Variants in RAG1 observed in about 807,000 individuals in gnomAD.
RAG1 encodes the protein recombination activating 1, also known as V(D)J recombination-activating protein 1.
A neutral mutation model predicts 62.7 loss-of-function variants in RAG1; 35 were observed. That is an observed-to-expected ratio of 0.56 (90% CI 0.43 to 0.74). The LOEUF is 0.74. Ranked by LOEUF, RAG1 falls within the 30% of genes least tolerant of loss-of-function variation. The pLI is 0.00. For synonymous variants in RAG1, 461 were observed against 470.3 expected (o/e 0.98, Z 0.26); for missense variants, 1,169 against 1,278.6 (o/e 0.91, Z 1.31).
chr11:36,576,093 G>A lies in RAG1; in HGVS notation c.2789G>A (p.Arg930Lys). ...CTCCTTTCTACGAAGTTCAAGTATA[G>A]GTATGAGGGAAAAATCACCAATTAT... Reference protein sequence around the residue: ...AELLSTKFKYRYEGKITNYFH... With the variant: ...AELLSTKFKYKYEGKITNYFH... Residue 930 changes from arginine to lysine, a missense_variant, in exon 2 of 2, where the codon AGG (arginine) becomes AAG (lysine). Arg to Lys is a conservative substitution (Grantham distance 26, BLOSUM62 2). This residue lies in a region of RAG1 where 800 missense variants were observed against 943.3 expected (regional missense o/e 0.85). Transcript: ENST00000299440. 1 of 1,613,978 alleles carries A rather than the reference G, an allele frequency of 6.2e-7. No homozygotes were observed.
At chr11:36,540,906 G>C (rs1043636239), downstream of RAG1, among the ~76,000 whole-genome samples, 1 of 152,036 alleles carries the variant, frequency 6.6e-6, no homozygotes, top group Admixed American at 6.6e-5. Flanking sequence ...TGGACTCAGG[G>C]GCACAGTGAT....
intron 3 of RAG1, among the ~76,000 whole-genome samples, chr11:36,562,925 A>T (rs11033695): frequency 0.15 from 23,085 of 151,872 alleles, 1,853 homozygotes; most frequent in Admixed American, 0.2. Flanking sequence ...GGCAGGTGTG[A>T]TTTCTCGGGA....
rs148885090 is a variant in RAG1 at position 36,517,134 on chromosome 11, C to A, written n.331-2998C>A. On this transcript the variant is annotated intron_variant and non_coding_transcript_variant, in intron 1 of 2. Coordinates refer to the RAG1 transcript ENST00000529126. ...AAACAGGATACTTGTTTCCAGTGTTCCTGATTCGAATTTGTGATATGATTT... is the reference window on the plus strand; with the variant it reads ...AAACAGGATACTTGTTTCCAGTGTTACTGATTCGAATTTGTGATATGATTT... Among the ~76,000 whole-genome samples, 68 of 152,242 alleles carry A rather than the reference C, an allele frequency of 4.5e-4. 1 individual carries two copies. In the East Asian group the frequency reaches 8.7e-3, roughly 19 times the overall value.
chr11:36,536,836 G>T (rs971896580), downstream of RAG1, among the ~76,000 whole-genome samples: 7 of 151,336 alleles, frequency 4.6e-5, no homozygotes, highest in East Asian at 9.7e-4. Context: ...TCAGCTCACT[G>T]CAAGCTCCGC....
intron 2 of RAG1, among the ~76,000 whole-genome samples, chr11:36,533,034 C>T (rs1274589636): frequency 6.6e-6 from 1 of 152,074 alleles, no homozygotes; most frequent in African/African-American, 2.4e-5. Context: ...CCCAATTGTT[C>T]CCTTTTTTTC....
Position 36,577,273 on chromosome 11 carries a change from G to A in RAG1, c.*837G>A, listed in dbSNP as rs1004256789. 13 of 166,990 alleles carry A rather than the reference G, an allele frequency of 7.8e-5. No individual in the cohort carries two copies. Among genetic ancestry groups the A allele is most frequent in the African/African-American group, 2.9e-4 (12 of 41,440 alleles). 10.3% of individuals were successfully genotyped at this position (166,990 alleles called of 1,614,324 possible). A position where few individuals can be genotyped will look rare whatever the true frequency, so the allele number is the denominator to read the frequency against. On this transcript the variant is annotated 3_prime_UTR_variant, in exon 2 of 2. Transcript: ENST00000299440. ...ACTTTTTCATTTCAAGAAATTTAGAGTTTCCAAATTTAGAGCTTCTGCATA... is the reference window on the plus strand; with the variant it reads ...ACTTTTTCATTTCAAGAAATTTAGAATTTCCAAATTTAGAGCTTCTGCATA...
In RAG1 at chr11:36,575,498, C is replaced by G; in HGVS notation, c.2194C>G (p.Leu732Val). Residue 732 changes from leucine to valine, a missense_variant, in exon 2 of 2, where the codon CTT becomes GTT. This residue lies in a region of RAG1 where 800 missense variants were observed against 943.3 expected (regional missense o/e 0.85). Transcript: ENST00000299440. The surrounding 1 kb of genome is among the most constrained non-coding windows in gnomAD (Gnocchi z 4.1). ...TTCTGGCTCAGTCTACATTTGTACT[C>G]TTTGTGATGCCACCCGTCTGGAAGC... ...EASGSVYICT[L>V]CDATRLEASQ... 1 of 1,614,230 alleles carries G rather than the reference C, an allele frequency of 6.2e-7. No homozygotes were observed. The highest frequency in any genetic ancestry group is 8.5e-7 in the Non-Finnish European group (1 of 1,180,052).
intron 1 of RAG1, among the ~76,000 whole-genome samples, chr11:36,518,553 T>C (rs1860029962): frequency 6.6e-6 from 1 of 152,208 alleles, no homozygotes; most frequent in African/African-American, 2.4e-5. Flanking sequence ...TGAGATGGTA[T>C]CTCATTGTGG....
downstream of RAG1, among the ~76,000 whole-genome samples, chr11:36,537,293 C>T (rs919010931): frequency 1.3e-5 from 2 of 152,010 alleles, no homozygotes; most frequent in African/African-American, 4.8e-5. Flanking sequence ...GTTAAGTGTT[C>T]TTCACACAAA....
intron 3 of RAG1, among the ~76,000 whole-genome samples, chr11:36,560,312 A>G (rs1254967670): frequency 6.6e-5 from 10 of 152,112 alleles, no homozygotes; most frequent in Admixed American, 6.5e-4. Context: ...GGGGGCATGC[A>G]TGGCAGTGCC....
upstream of RAG1, among the ~76,000 whole-genome samples, chr11:36,564,791 G>A (rs1026094892): frequency 1.2e-4 from 18 of 152,226 alleles, no homozygotes; most frequent in African/African-American, 2.4e-5. Context: ...GCAGGGTGGC[G>A]AGTTTGCATG....
At chr11:36,560,637 C>T (rs1850570223) in intron 3 of RAG1, among the ~76,000 whole-genome samples, 1 of 152,122 alleles carries the variant, frequency 6.6e-6, no homozygotes, top group Admixed American at 6.5e-5. Context: ...AGCAATGGAG[C>T]TGTGTGGACT....
At chr11:36,550,159 TGCAGATGATG>T (rs1202658663) in intron 3 of RAG1, among the ~76,000 whole-genome samples, 1 of 152,156 alleles carries the variant, frequency 6.6e-6, no homozygotes, top group Admixed American at 6.5e-5. Flanking sequence ...AAATACCTAA[TGCAGATGATG>T]GCTTGATGGG....
intron 2 of RAG1, among the ~76,000 whole-genome samples, chr11:36,526,893 T>C (rs890166050): frequency 1.3e-5 from 2 of 152,254 alleles, no homozygotes; most frequent in African/African-American, 4.8e-5. Context: ...TTGAGAACTG[T>C]CTGTTCATAT....
In RAG1 at chr11:36,574,168, G is replaced by C. The variant is rs1443428068; in HGVS notation, c.864G>C (p.Val288=). 6.2e-7 allele frequency: 1 copy of C among 1,614,074 alleles called. No individual in the cohort carries two copies. Among genetic ancestry groups the C allele is most frequent in the Admixed American group, 1.7e-5 (1 of 60,010 alleles). ...LLAVDFPEHF[V]KSISCQICEH... ...CAGTGGACTTCCCAGAGCACTTTGT[G>C]AAATCCATCTCCTGCCAGATCTGTG... The change falls in exon 2 of 2, where the codon GTG becomes GTC. Residue 288 remains valine, a synonymous_variant. Transcript: ENST00000299440.
chr11:36,568,250 T>C (rs1161344335), intron 1 of RAG1, 128 bp downstream of exon 1: 1 of 151,764 alleles, frequency 6.6e-6, no homozygotes, highest in African/African-American at 2.4e-5. Flanking sequence ...CTACATCAAT[T>C]TTTTTTTAAT....
At chr11:36,551,917 C>T (rs1199642286) in intron 3 of RAG1, among the ~76,000 whole-genome samples, 1 of 128,072 alleles carries the variant, frequency 7.8e-6, no homozygotes, top group African/African-American at 2.9e-5. Flanking sequence ...TCATCCATGT[C>T]CCTACAAAGG....
At chr11:36,527,181 T>C (rs1192404411) in intron 2 of RAG1, among the ~76,000 whole-genome samples, 1 of 152,228 alleles carries the variant, frequency 6.6e-6, no homozygotes, top group Admixed American at 6.5e-5. Flanking sequence ...TGAATGGTAT[T>C]GCCTAGGTTT....
chr11:36,537,612 G>C (rs910067911), downstream of RAG1, among the ~76,000 whole-genome samples: 1 of 152,016 alleles, frequency 6.6e-6, no homozygotes, highest in South Asian at 2.1e-4. Flanking sequence ...AAGATCCTTT[G>C]TTATTCTTTA....
Sources: gnomAD v4.1 joint callset for allele counts (sites outside exome capture counted in the v4.1 genomes callset) on GRCh38, gnomAD v4.1.1 for gene constraint, gnomAD v4.1.1 regional missense constraint, Gnocchi (gnomAD v3.1) non-coding constraint, MANE v1.5 for transcripts, NCBI Gene and HGNC (gene_info 2026-07-23, HGNC 2026-07-21) for gene names.